The following PAX5 variants were observed in gnomAD, a reference collection of about 807,000 sequenced individuals.
PAX5 encodes the protein paired box protein Pax-5.
A neutral mutation model predicts 43.7 loss-of-function variants in PAX5; 9 were observed. The observed-to-expected ratio is 0.21, with a 90% CI of 0.12 to 0.36. The LOEUF is 0.36. Ranked by LOEUF, PAX5 falls within the 10% of genes least tolerant of loss-of-function variation. PAX5 has a pLI of 1.00. For synonymous variants in PAX5, 228 were observed against 214.3 expected, an observed-to-expected ratio of 1.06 and a Z score of -0.56; for missense variants, 383 against 532.7, an observed-to-expected ratio of 0.72 and a Z score of 2.77.
At chr9:37,029,338 C>G (rs1478889011) in intron 1 of PAX5, among the ~76,000 whole-genome samples, 7 of 152,232 alleles carry the variant, frequency 4.6e-5, no homozygotes, top group Non-Finnish European at 8.8e-5. Flanking sequence ...GTTCCACACC[C>G]AGCTGTCCCT....
At chr9:36,960,607 C>T (rs1256104873) in intron 6 of PAX5, among the ~76,000 whole-genome samples, 1 of 152,194 alleles carries the variant, frequency 6.6e-6, no homozygotes, top group Non-Finnish European at 1.5e-5. Context: ...GGCAAGAAGT[C>T]CCAGTGAAGG....
At chr9:36,917,586 T>C (rs1017182522) in intron 7 of PAX5, among the ~76,000 whole-genome samples, 9 of 152,256 alleles carry the variant, frequency 5.9e-5, no homozygotes, top group Non-Finnish European at 1.0e-4. Context: ...TGGCCACCAG[T>C]TGACCATTTC....
rs1563973297 is a variant in PAX5, at chr9:36,924,744, GAAGGAAGGA to G, written c.781-1269_781-1261del. 1.6e-3 allele frequency among the ~76,000 whole-genome samples: 159 copies of G among 97,692 alleles called. 4 individuals are homozygous for G. Among genetic ancestry groups the G allele is most frequent in the East Asian group, 8.9e-3 (22 of 2,474 alleles). 64.1% of individuals were successfully genotyped at this position (97,692 alleles called of 152,430 possible). On this transcript the variant is annotated intron_variant, in intron 6 of 9. Transcript: ENST00000358127. The stretch of plus-strand genomic sequence containing the variant: ...AAAAAAAGAAAGAGGTGGAAGGAAG[GAAGGAAGGA>G]AGGAAGGAAGGAAGGAAGGAAGGAA...
At chr9:36,967,448 T>TG (rs964056667) in intron 5 of PAX5, among the ~76,000 whole-genome samples, 1 of 152,280 alleles carries the variant, frequency 6.6e-6, no homozygotes. Context: ...AGTTTATTTG[T>TG]GGGGGGTTGG....
chr9:36,953,624 G>T (rs7873475), intron 6 of PAX5, among the ~76,000 whole-genome samples: 109,899 of 151,748 alleles, frequency 0.72, 40,204 homozygotes, highest in South Asian at 0.84. Context: ...GATGAGCCCA[G>T]CAAAGAAAGT....
intron 7 of PAX5, among the ~76,000 whole-genome samples, chr9:36,916,057 GA>G (rs5897663): frequency 0.95 from 137,940 of 144,726 alleles, 66,040 homozygotes; most frequent in East Asian, 1. Flanking sequence ...AAGTGAGATT[GA>G]AAAAAAAAAA....
At chr9:36,917,380 G>C (rs1433389088) in intron 7 of PAX5, among the ~76,000 whole-genome samples, 1 of 152,196 alleles carries the variant, frequency 6.6e-6, no homozygotes, top group Non-Finnish European at 1.5e-5. Flanking sequence ...GTCTTAAGGG[G>C]CAGCAGCTAC....
chr9:36,879,496 G>A (rs900600598), intron 8 of PAX5, among the ~76,000 whole-genome samples: 2 of 152,158 alleles, frequency 1.3e-5, no homozygotes, highest in African/African-American at 4.8e-5. Flanking sequence ...AGCTGGAGTT[G>A]ACTGATTCAG....
intron 5 of PAX5, among the ~76,000 whole-genome samples, chr9:36,970,418 G>C (rs1434935161): frequency 6.6e-6 from 1 of 152,152 alleles, no homozygotes; most frequent in Non-Finnish European, 1.5e-5. Context: ...GATTGAGCCA[G>C]ACAGCCCCAG....
rs561562047 is a variant in PAX5, at chr9:36,902,679, T to C, written c.911-20574A>G. Among the ~76,000 whole-genome samples the C allele has an allele frequency of 5.3e-5, 8 of 152,110 alleles. No individual in the cohort carries two copies. The East Asian group carries it at 1.5e-3, about 29-fold the overall frequency. ...CCTGGCTCCATGGCCTTAGGCTGGG[T>C]TTCACCAGGGCCTTTTATTCCATCA... is the stretch of plus-strand genomic sequence containing the variant. On this transcript the variant is annotated intron_variant, in intron 7 of 9. Transcript: ENST00000358127.
chr9:36,833,600 C>A lies in PAX5; in HGVS notation c.*6960G>T. 1 of 232,962 alleles carries A rather than the reference C, an allele frequency of 4.3e-6. No individual in the cohort carries two copies. The highest frequency in any genetic ancestry group is 8.5e-6 in the Non-Finnish European group (1 of 117,988). The allele number at this position is 232,962 out of a possible 1,614,324, so 14.4% of individuals were successfully genotyped here. A position where few individuals can be genotyped will look rare whatever the true frequency, so the allele number is the denominator to read the frequency against. ...CCACCCCTAGCCCTGCCCTCCTCCC[C>A]AAAAAAGAAAAATATGTCCAACATC... On this transcript the variant is annotated 3_prime_UTR_variant, in exon 10 of 10. Coordinates refer to ENST00000358127, the MANE Select transcript of PAX5 (RefSeq NM_016734.3).
chr9:36,873,293 C>T (rs1825645645), intron 8 of PAX5, among the ~76,000 whole-genome samples: 1 of 152,172 alleles, frequency 6.6e-6, no homozygotes, highest in African/African-American at 2.4e-5. Flanking sequence ...AGGGCAGGGG[C>T]TGTGTCGGCA....
At chr9:36,982,016 G>T (rs1406067827) in intron 5 of PAX5, among the ~76,000 whole-genome samples, 2 of 152,248 alleles carry the variant, frequency 1.3e-5, no homozygotes, top group Non-Finnish European at 2.9e-5. Context: ...TGTAATCCCA[G>T]CACTTTGGGA....
rs1209017111 is a variant in PAX5 at position 37,010,607 on chromosome 9, A to G, written c.411-4070T>C. 2.0e-5 allele frequency among the ~76,000 whole-genome samples: 3 copies of G among 152,130 alleles called. No homozygotes were observed. The East Asian group carries it at 5.8e-4, about 29-fold the overall frequency. ...TCTTTGAAAGGCTAGGCTTCTCACC[A>G]TCATCCCACGCCCCCCGCCCCACCA... On this transcript the variant is annotated intron_variant, in intron 3 of 9. Coordinates refer to ENST00000358127, the MANE Select transcript of PAX5 (RefSeq NM_016734.3).
intron 8 of PAX5, among the ~76,000 whole-genome samples, chr9:36,873,123 T>G (rs576335993): frequency 1.1e-4 from 17 of 152,220 alleles, no homozygotes; most frequent in Non-Finnish European, 2.2e-4. Flanking sequence ...TGAGAAGTCT[T>G]CCCTGATTTC....
intron 2 of PAX5, among the ~76,000 whole-genome samples, chr9:37,019,081 T>G (rs1839638808): frequency 6.6e-6 from 1 of 152,150 alleles, no homozygotes; most frequent in South Asian, 2.1e-4. Flanking sequence ...TCTAGGAGCC[T>G]TTTGGTTCTA....
chr9:37,024,301 CATTTCCTGG>C (rs1403867758), intron 1 of PAX5, among the ~76,000 whole-genome samples: 1 of 152,080 alleles, frequency 6.6e-6, no homozygotes, highest in Non-Finnish European at 1.5e-5. Flanking sequence ...CTCAGAAGCC[CATTTCCTGG>C]AAGTCCCTGC....
intron 7 of PAX5, among the ~76,000 whole-genome samples, chr9:36,902,091 C>T (rs1226776140): frequency 2.0e-5 from 3 of 152,004 alleles, no homozygotes; most frequent in Middle Eastern, 3.2e-3. Context: ...TGTCCCTATC[C>T]CCCCTCCCAA....
Position 36,840,805 on chromosome 9 carries a change from C to T in PAX5, c.1100-169G>A, listed in dbSNP as rs1821986965. Reference sequence around the variant, plus strand: ...ATGGCAAGTCCCATCAGGGCCACAACCTGCTCATAAGATTTCGAGGCTCTT... The same window carrying T: ...ATGGCAAGTCCCATCAGGGCCACAATCTGCTCATAAGATTTCGAGGCTCTT... On this transcript the variant is annotated intron_variant, in intron 9 of 9. Coordinates refer to ENST00000358127, the MANE Select transcript of PAX5 (RefSeq NM_016734.3). Among the ~76,000 whole-genome samples the T allele has an allele frequency of 2.6e-5, 4 of 152,196 alleles. No individual in the cohort carries two copies. In the South Asian group the frequency reaches 8.3e-4, roughly 32 times the overall value.
Sources: allele counts gnomAD v4.1 joint callset (sites outside exome capture counted in the v4.1 genomes callset), GRCh38; gene constraint gnomAD v4.1.1; transcripts MANE v1.5; gene names NCBI Gene and HGNC (gene_info 2026-07-23, HGNC 2026-07-21).